Variants in PCDH7 observed in about 807,000 individuals in gnomAD.
PCDH7 encodes the protein protocadherin 7.
In PCDH7, 17 loss-of-function variants were observed where a neutral mutation model predicts 58.9. The observed-to-expected ratio is 0.29, with a 90% CI of 0.20 to 0.43. The LOEUF (loss-of-function observed/expected upper bound fraction) is 0.43. Among genes scored for constraint, PCDH7 ranks in the 20% least tolerant of loss-of-function variants. PCDH7 has a pLI of 1.00. For synonymous variants in PCDH7, 664 were observed against 616.4 expected (o/e 1.08, Z -1.14); for missense variants, 1,274 against 1,441.0 (o/e 0.88, Z 1.88).
At chr4:31,054,903 T>G (rs1299186470) in intron 3 of PCDH7, among the ~76,000 whole-genome samples, 1 of 152,220 alleles carries the variant, frequency 6.6e-6, no homozygotes, top group Non-Finnish European at 1.5e-5. Context: ...GTTGAGTTTA[T>G]GAAATCTATC....
intron 1 of PCDH7, among the ~76,000 whole-genome samples, chr4:30,785,098 T>A (rs1723231404): frequency 6.6e-6 from 1 of 152,038 alleles, no homozygotes; most frequent in Admixed American, 6.6e-5. Flanking sequence ...GGTAGCCTTG[T>A]ATAGAATGTG....
chr4:31,074,513 C>T (rs376532174), intron 3 of PCDH7, among the ~76,000 whole-genome samples: 1 of 151,866 alleles, frequency 6.6e-6, no homozygotes. Context: ...ATTGGCCAGA[C>T]GACACAGTGG....
chr4:30,870,749 T>C (rs1735473746), intron 1 of PCDH7, among the ~76,000 whole-genome samples: 1 of 152,140 alleles, frequency 6.6e-6, no homozygotes, highest in South Asian at 2.1e-4. Context: ...GGCAAAGCTG[T>C]CAGTGACTCA....
At chr4:31,142,747 C>T in exon 4 of PCDH7, 1 of 1,367,440 alleles carries the variant, frequency 7.3e-7, no homozygotes, top group Non-Finnish European at 9.8e-7. Flanking sequence ...CTAGTTTCAG[C>T]AAAAATGAGG....
At chr4:30,782,399 T>C (rs1384775349) in intron 1 of PCDH7, among the ~76,000 whole-genome samples, 1 of 152,212 alleles carries the variant, frequency 6.6e-6, no homozygotes, top group Non-Finnish European at 1.5e-5. Context: ...GATTAAACAC[T>C]CTGAGCTTCT....
chr4:30,748,163 T>C (rs1440705785), intron 1 of PCDH7, among the ~76,000 whole-genome samples: 1 of 152,234 alleles, frequency 6.6e-6, no homozygotes, highest in East Asian at 1.9e-4. Context: ...AACTATTTAT[T>C]CAACTTATCA....
chr4:30,844,847 G>A (rs538472864), intron 1 of PCDH7, among the ~76,000 whole-genome samples: 1 of 152,104 alleles, frequency 6.6e-6, no homozygotes, highest in South Asian at 2.1e-4. Flanking sequence ...AAAATCAGGT[G>A]GGCTAGCCAT....
intron 1 of PCDH7, among the ~76,000 whole-genome samples, chr4:30,916,990 A>G (rs1341809561): frequency 6.6e-6 from 1 of 152,162 alleles, no homozygotes; most frequent in Non-Finnish European, 1.5e-5. Flanking sequence ...AAGCTATTCT[A>G]CTTCAGAGTA....
chr4:31,126,851 C>G (rs892478749), intron 3 of PCDH7, among the ~76,000 whole-genome samples: 3 of 152,154 alleles, frequency 2.0e-5, no homozygotes, highest in Non-Finnish European at 4.4e-5. Context: ...GTAATTTTAT[C>G]TATTTGTTTC....
intron 3 of PCDH7, among the ~76,000 whole-genome samples, chr4:31,014,449 G>A (rs1230189645): frequency 6.6e-6 from 1 of 152,088 alleles, no homozygotes; most frequent in Non-Finnish European, 1.5e-5. Flanking sequence ...AGAAAGACAG[G>A]AATGTACAAG....
chr4:30,978,947 A>G (rs1444110398), intron 3 of PCDH7, among the ~76,000 whole-genome samples: 2 of 152,210 alleles, frequency 1.3e-5, no homozygotes, highest in African/African-American at 4.8e-5. Context: ...ATATTAATAA[A>G]AAGTTTTATT....
chr4:30,994,429 G>A (rs989561204), intron 3 of PCDH7, among the ~76,000 whole-genome samples: 5 of 152,158 alleles, frequency 3.3e-5, no homozygotes, highest in Admixed American at 1.3e-4. Flanking sequence ...ATGAAAAAAA[G>A]CAAATTCATT....
chr4:31,022,328 C>T (rs551093645), intron 3 of PCDH7, among the ~76,000 whole-genome samples: 6 of 152,178 alleles, frequency 3.9e-5, no homozygotes, highest in African/African-American at 9.6e-5. Flanking sequence ...TTATTTCTAA[C>T]GGTAGAGTAA....
chr4:30,860,067 C>T (rs1266744534), intron 1 of PCDH7, among the ~76,000 whole-genome samples: 2 of 152,112 alleles, frequency 1.3e-5, no homozygotes, highest in Admixed American at 6.5e-5. Flanking sequence ...ACCGTGTGTT[C>T]GATTCTTTTC....
chr4:30,973,294 T>C (rs1488771326), intron 3 of PCDH7, among the ~76,000 whole-genome samples: 1 of 152,150 alleles, frequency 6.6e-6, no homozygotes, highest in Non-Finnish European at 1.5e-5. Context: ...AGAAATGCTG[T>C]TGCATGCTTA....
Position 30,722,049 on chromosome 4 carries a change from C to A in PCDH7, c.627C>A (p.Gly209=). Residue 209 remains glycine, a synonymous_variant, in exon 1 of 2, where the codon GGC becomes GGA. Transcript: ENST00000361762. This position sits in a 1 kb window ranked among gnomAD's most constrained non-coding sequence, Gnocchi z 7.6. ...CCGACAGCGCCCCCTACCCCGGGGG[C>A]GGCGGGAACGGCGCGAGCGGCGGCG... 4 of 1,235,970 alleles carry A rather than the reference C, an allele frequency of 3.2e-6. No individual in the cohort carries two copies. In the African/African-American group the frequency reaches 4.7e-5, roughly 15 times the overall value. 76.6% of individuals were successfully genotyped at this position (1,235,970 alleles called of 1,614,324 possible).
intron 1 of PCDH7, among the ~76,000 whole-genome samples, chr4:30,873,125 G>C (rs930513610): frequency 6.6e-6 from 1 of 152,046 alleles, no homozygotes; most frequent in Non-Finnish European, 1.5e-5. Context: ...TAAGATGAAA[G>C]AACAGTTTCT....
intron 1 of PCDH7, among the ~76,000 whole-genome samples, chr4:30,901,180 T>C (rs1330188071): frequency 6.6e-6 from 1 of 152,168 alleles, no homozygotes; most frequent in Non-Finnish European, 1.5e-5. Flanking sequence ...ATTTAAGTTT[T>C]TCTATAATCA....
intron 1 of PCDH7, among the ~76,000 whole-genome samples, chr4:30,781,779 G>T (rs1460818837): frequency 6.6e-6 from 1 of 151,334 alleles, no homozygotes; most frequent in African/African-American, 2.4e-5. Flanking sequence ...CAGGTGATCC[G>T]CCCGCCTCAT....
Sources: gnomAD v4.1 joint callset for allele counts (sites outside exome capture counted in the v4.1 genomes callset) on GRCh38, gnomAD v4.1.1 for gene constraint, Gnocchi (gnomAD v3.1) non-coding constraint, MANE v1.5 for transcripts, NCBI Gene and HGNC (gene_info 2026-07-23, HGNC 2026-07-21) for gene names.